The following MSL2 variants were observed in gnomAD, a reference collection of about 807,000 sequenced individuals.
MSL2 encodes MSL complex subunit 2.
In MSL2, 2 loss-of-function variants were observed where a neutral mutation model predicts 35.8. The ratio of observed to expected loss-of-function variants is 0.06; its 90% CI spans 0.02 to 0.18. MSL2 has a LOEUF of 0.18. Among genes scored for constraint, MSL2 ranks in the 10% least tolerant of loss-of-function variants. The pLI, the probability that MSL2 is intolerant of heterozygous loss-of-function variation, is 1.00. For synonymous variants in MSL2, 296 were observed against 255.7 expected (o/e 1.16, Z -1.50); for missense variants, 523 against 706.7 (o/e 0.74, Z 2.95).
chr3:136,168,145 A>G (rs781478010), intron 1 of MSL2, among the ~76,000 whole-genome samples: 2 of 152,142 alleles, frequency 1.3e-5, no homozygotes, highest in Non-Finnish European at 2.9e-5. Flanking sequence ...TTGGGAGTCC[A>G]AGGCAGGAGT....
In MSL2 at chr3:136,194,945, A is replaced by G. The variant is rs780355075; in HGVS notation, c.142+27T>C. Reference sequence around the variant, plus strand: ...AGAAGGCTTTTAAAAACAAGCATTGAAAAGGGAACAATAAAAAGCGTCTCA... The same window carrying G: ...AGAAGGCTTTTAAAAACAAGCATTGGAAAGGGAACAATAAAAAGCGTCTCA... On this transcript the variant is annotated intron_variant, in intron 1 of 1. Coordinates refer to ENST00000309993, the MANE Select transcript of MSL2 (RefSeq NM_018133.4). The G allele has an allele frequency of 1.1e-5, 17 of 1,613,022 alleles. No individual in the cohort carries two copies. The African/African-American group carries it at 2.0e-4, about 19-fold the overall frequency.
Position 136,171,100 on chromosome 3 carries a change from G to A in MSL2, c.143-18362C>T, listed in dbSNP as rs74483428. On this transcript the variant is annotated intron_variant, in intron 1 of 1. Coordinates refer to ENST00000309993, the MANE Select transcript of MSL2 (RefSeq NM_018133.4). ...TTATATTATTACTCAACATTTACCT[G>A]GGTATGTCTCACAAACATGAGAAAA... 8.0e-3 allele frequency among the ~76,000 whole-genome samples: 1,218 copies of A among 152,200 alleles called. 24 individuals carry two copies. Among genetic ancestry groups the A allele is most frequent in the African/African-American group, 0.027 (1,107 of 41,534 alleles).
chr3:136,172,033 A>G (rs1448088192), intron 1 of MSL2, among the ~76,000 whole-genome samples: 2 of 152,114 alleles, frequency 1.3e-5, no homozygotes, highest in African/African-American at 2.4e-5. Flanking sequence ...GTGGGACCAC[A>G]ACTCCTGGCT....
intron 1 of MSL2, among the ~76,000 whole-genome samples, chr3:136,155,233 G>A (rs746999408): frequency 1.5e-4 from 22 of 151,604 alleles, no homozygotes; most frequent in African/African-American, 3.2e-4. Context: ...CGCTGGATGC[G>A]GTGGCTCATG....
rs1172892104 is a variant in MSL2 at position 136,187,769 on chromosome 3, TA to T, written c.142+7202del. ...TTAAATATTGTTTTTCAAATGCTTA[TA>T]ACACTGATTTGCAAATCCTCTCATC... On this transcript the variant is annotated intron_variant, in intron 1 of 1. Coordinates refer to ENST00000309993, the MANE Select transcript of MSL2 (RefSeq NM_018133.4). Among the ~76,000 whole-genome samples the T allele has an allele frequency of 2.6e-5, 4 of 152,150 alleles. No individual in the cohort carries two copies. In the South Asian group the frequency reaches 6.2e-4, roughly 24 times the overall value.
At chr3:136,182,715 CAAA>C (rs1173234700) in intron 1 of MSL2, among the ~76,000 whole-genome samples, 10 of 102,862 alleles carry the variant, frequency 9.7e-5, no homozygotes, top group African/African-American at 6.7e-5. Context: ...GACTCCGTCT[CAAA>C]AAAAAAAAAA....
At chr3:136,194,182 G>GC (rs957128878) in intron 1 of MSL2, among the ~76,000 whole-genome samples, 8 of 152,156 alleles carry the variant, frequency 5.3e-5, no homozygotes, top group African/African-American at 1.7e-4. Flanking sequence ...TTTTCGAAAA[G>GC]CAAGTAATTA....
rs910636010 is a variant in MSL2 at position 136,196,241 on chromosome 3, T to TGGC, written c.-1131_-1129dup. 6.6e-6 allele frequency: 1 copy of TGGC among 152,230 alleles called. No individual in the cohort carries two copies. The highest frequency in any genetic ancestry group is 1.5e-5 in the Non-Finnish European group (1 of 68,266). The allele number at this position is 152,230 out of a possible 1,614,324, so 9.4% of individuals were successfully genotyped here. ...GCTGTGTGGCGCCTCAGGCCTCTGC[T>TGGC]GGCGGCGACGACGACCGTTACCCCA... On this transcript the variant is annotated 5_prime_UTR_variant, in exon 1 of 2. Coordinates refer to ENST00000309993, the MANE Select transcript of MSL2 (RefSeq NM_018133.4).
chr3:136,180,787 AGGGAGGGAGGGAGGGAG>A (rs1940324653), intron 1 of MSL2, among the ~76,000 whole-genome samples: 3 of 61,134 alleles, frequency 4.9e-5, no homozygotes, highest in African/African-American at 7.2e-5. Context: ...GGAGGGAGGG[AGGGAGGGAGGGAGGGAG>A]GGAGGGAAGG....
intron 1 of MSL2, among the ~76,000 whole-genome samples, chr3:136,169,183 T>C (rs936921006): frequency 7.6e-6 from 1 of 130,956 alleles, no homozygotes; most frequent in Admixed American, 8.9e-5. Flanking sequence ...CAGGCAAATC[T>C]TTCCTGTACC....
At chr3:136,152,854 G>C in intron 1 of MSL2, 116 bp from the exon 2 acceptor site, 1 of 1,458,374 alleles carries the variant, frequency 6.9e-7, no homozygotes, top group Middle Eastern at 2.2e-4. Flanking sequence ...AAACTCACTA[G>C]ACCAGATAAC....
rs565148895 is a variant in MSL2 at position 136,179,774 on chromosome 3, C to T, written c.142+15198G>A. ...ATTTGTTGACATATCTACTTTAAAA[C>T]GGCTTATCTTGGGCTGGGCATGGTG... On this transcript the variant is annotated intron_variant, in intron 1 of 1. Transcript: ENST00000309993. Among the ~76,000 whole-genome samples the T allele has an allele frequency of 3.0e-4, 45 of 152,212 alleles. 1 individual carries two copies. In the South Asian group the frequency reaches 8.5e-3, roughly 29 times the overall value.
At chr3:136,176,982 C>CA (rs1450186158) in intron 1 of MSL2, among the ~76,000 whole-genome samples, 2 of 152,214 alleles carry the variant, frequency 1.3e-5, no homozygotes, top group Non-Finnish European at 2.9e-5. Context: ...CCAGAGAACT[C>CA]TCCTAAGACA....
At chr3:136,157,411 G>T (rs1398472276) in intron 1 of MSL2, among the ~76,000 whole-genome samples, 1 of 152,108 alleles carries the variant, frequency 6.6e-6, no homozygotes, top group Non-Finnish European at 1.5e-5. Flanking sequence ...ACTGAGGCAG[G>T]AGAACTGCTT....
At chr3:136,187,584 T>C (rs986572226) in intron 1 of MSL2, among the ~76,000 whole-genome samples, 4 of 151,504 alleles carry the variant, frequency 2.6e-5, no homozygotes, top group Non-Finnish European at 5.9e-5. Flanking sequence ...GGCAGGAGAA[T>C]AGCTTGAACC....
At chr3:136,159,675 G>A (rs536408876) in intron 1 of MSL2, among the ~76,000 whole-genome samples, 33 of 151,830 alleles carry the variant, frequency 2.2e-4, no homozygotes, top group Non-Finnish European at 3.7e-4. Flanking sequence ...TGGCCAAGGA[G>A]AGTATTTTCA....
At chr3:136,180,794 G>GA (rs1358843118) in intron 1 of MSL2, among the ~76,000 whole-genome samples, 1,007 of 71,888 alleles carry the variant, frequency 0.014, 39 homozygotes, top group African/African-American at 0.04. Context: ...GGGAGGGAGG[G>GA]AGGGAGGGAG....
At chr3:136,166,582 G>C (rs1407397954) in intron 1 of MSL2, among the ~76,000 whole-genome samples, 1 of 151,906 alleles carries the variant, frequency 6.6e-6, no homozygotes, top group Non-Finnish European at 1.5e-5. Flanking sequence ...CTAGAACCTA[G>C]ATTGACTGGC....
rs1939401193 is a variant in MSL2 at position 136,152,439 on chromosome 3, C to T, written c.442G>A (p.Asp148Asn). The T allele has an allele frequency of 2.5e-6, 4 of 1,614,048 alleles. No individual in the cohort carries two copies. The highest frequency in any genetic ancestry group is 1.7e-5 in the Admixed American group (1 of 59,996). Residue 148 changes from aspartate (D) to asparagine (N), a missense_variant, in exon 2 of 2, where the codon GAT becomes AAT. Physicochemically the swap from Asp to Asn is conservative, Grantham distance 23. Around this residue, in one of 5 missense-constraint regions of MSL2, gnomAD observed 361 missense variants for 414.6 expected, o/e 0.87. Coordinates refer to ENST00000309993, the MANE Select transcript of MSL2 (RefSeq NM_018133.4). ...LFCEETEKPSDSSFTLCLTHS... is the reference protein window; with the variant it reads ...LFCEETEKPSNSSFTLCLTHS... Reference sequence around the variant, plus strand: ...GTCAAACACAAAGTAAAGGATGAATCTGAGGGTTTTTCTGTCTCCTCACAA... The same window carrying T: ...GTCAAACACAAAGTAAAGGATGAATTTGAGGGTTTTTCTGTCTCCTCACAA...
Sources: gnomAD v4.1 joint callset for allele counts (sites outside exome capture counted in the v4.1 genomes callset) on GRCh38, gnomAD v4.1.1 for gene constraint, gnomAD v4.1.1 regional missense constraint, MANE v1.5 for transcripts, NCBI Gene and HGNC (gene_info 2026-07-23, HGNC 2026-07-21) for gene names.